Variants in DAPK1 observed in about 807,000 individuals in gnomAD.
DAPK1 encodes the protein death-associated protein kinase 1.
A neutral mutation model predicts 144.9 loss-of-function variants in DAPK1; 56 were observed. That is an observed-to-expected ratio of 0.39 (90% CI 0.31 to 0.48). The LOEUF (loss-of-function observed/expected upper bound fraction) is 0.48, where lower values mean the gene tolerates loss of function less well. Ranked by LOEUF, DAPK1 falls within the 20% of genes least tolerant of loss-of-function variation. The pLI, the probability that DAPK1 is intolerant of heterozygous loss-of-function variation, is 0.95. For synonymous variants in DAPK1, 690 were observed against 749.0 expected (o/e 0.92, Z 1.29); for missense variants, 1,454 against 1,875.4 (o/e 0.78, Z 4.15).
chr9:87,561,807 C>T (rs914932479), intron 2 of DAPK1, among the ~76,000 whole-genome samples: 8 of 152,178 alleles, frequency 5.3e-5, no homozygotes, highest in African/African-American at 1.9e-4. Flanking sequence ...TATCTGGCAG[C>T]TCCTCAGTGC....
At chr9:87,595,903 C>T (rs1828299234) in intron 2 of DAPK1, among the ~76,000 whole-genome samples, 1 of 152,210 alleles carries the variant, frequency 6.6e-6, no homozygotes, top group African/African-American at 2.4e-5. Flanking sequence ...CAAATCACAG[C>T]CCATTTAACC....
At chr9:87,564,415 A>T (rs187373751) in intron 2 of DAPK1, among the ~76,000 whole-genome samples, 10 of 152,290 alleles carry the variant, frequency 6.6e-5, no homozygotes, top group Non-Finnish European at 7.4e-5. Context: ...GTCTTAGTCC[A>T]CTTTTTCCTG....
intron 9 of DAPK1, 119 bp from the exon 10 acceptor site, chr9:87,641,850 C>T (rs1356221827): frequency 1.6e-5 from 12 of 743,864 alleles, no homozygotes; most frequent in Non-Finnish European, 2.6e-5. Context: ...ACTTCTTATG[C>T]TAATTTAATA....
chr9:87,554,356 T>C (rs1478945509), intron 2 of DAPK1: 1 of 152,184 alleles, frequency 6.6e-6, no homozygotes, highest in East Asian at 1.9e-4. Flanking sequence ...TCTCATCTTC[T>C]GCAATGCCTC....
At chr9:87,516,500 C>T (rs1369969333) in intron 2 of DAPK1, among the ~76,000 whole-genome samples, 1 of 152,118 alleles carries the variant, frequency 6.6e-6, no homozygotes, top group Non-Finnish European at 1.5e-5. Context: ...GGGTGATATC[C>T]TGCTTGCTGT....
At chr9:87,612,792 G>T (rs62576184) in intron 3 of DAPK1, among the ~76,000 whole-genome samples, 1 of 152,184 alleles carries the variant, frequency 6.6e-6, no homozygotes, top group Admixed American at 6.5e-5. Flanking sequence ...GGATTGGAGC[G>T]GGGGTGGGGG....
At chr9:87,584,983 C>A (rs961853570) in intron 2 of DAPK1, among the ~76,000 whole-genome samples, 1 of 152,124 alleles carries the variant, frequency 6.6e-6, no homozygotes, top group Non-Finnish European at 1.5e-5. Context: ...AGCCGTATAT[C>A]CTCTTTTGAG....
In DAPK1 at chr9:87,606,786, T is replaced by C. The variant is rs1370213961; in HGVS notation, c.284+1611T>C. Among the ~76,000 whole-genome samples the C allele has an allele frequency of 2.4e-4, 25 of 102,664 alleles. No homozygotes were observed. In the East Asian group the frequency reaches 8.3e-3, roughly 34 times the overall value. The allele number at this position is 102,664 out of a possible 152,430, so 67.4% of individuals were successfully genotyped here. A position where few individuals can be genotyped will look rare whatever the true frequency, so the allele number is the denominator to read the frequency against. On this transcript the variant is annotated intron_variant, in intron 3 of 25. Coordinates refer to ENST00000408954, the MANE Select transcript of DAPK1 (RefSeq NM_004938.4). ...CCTTCCTCCCTCCCTCCCTCCCTCC[T>C]TTTTCTCCTTCCCTCCCTTCCTCTC...
Position 87,645,969 on chromosome 9 carries a change from C to A in DAPK1, c.1086C>A (p.His362Gln). 1 of 1,614,132 alleles carries A rather than the reference C, an allele frequency of 6.2e-7. No individual in the cohort carries two copies. Among genetic ancestry groups the A allele is most frequent in the Non-Finnish European group, 8.5e-7 (1 of 1,179,988 alleles). ...INDDNVPGLQ[H>Q]LLGSLSNYDV... ...ATGACAATGTCCCAGGCCTGCAGCA[C>A]CTTCTGGGCTCATTATCCAACTATG... Residue 362 changes from histidine to glutamine, a missense_variant, in exon 12 of 26, where the codon CAC becomes CAA. His to Gln is a conservative substitution (Grantham distance 24, BLOSUM62 0). Transcript: ENST00000408954.
Position 87,698,684 on chromosome 9 carries a change from C to T in DAPK1, c.2640C>T (p.Leu880=). Residue 880 remains leucine, a synonymous_variant, in exon 23 of 26, where the codon CTC becomes CTT. Transcript: ENST00000408954. ...IAFGGKLKNP[L]QVVLVATHAD... is the part of the protein sequence containing the mutation. ...TCGGTGGCAAGCTGAAGAACCCACTCCAAGTTGTCCTGGTGGCCACCCACG... is the reference window on the plus strand; with the variant it reads ...TCGGTGGCAAGCTGAAGAACCCACTTCAAGTTGTCCTGGTGGCCACCCACG... 6.2e-7 allele frequency: 1 copy of T among 1,606,164 alleles called. No homozygotes were observed. The highest frequency in any genetic ancestry group is 1.3e-5 in the African/African-American group (1 of 74,864).
At chr9:87,698,885 A>C in intron 23 of DAPK1, 91 bp downstream of exon 23, 9 of 759,886 alleles carry the variant, frequency 1.2e-5, no homozygotes, top group Non-Finnish European at 2.0e-5. Context: ...AGGAAGTCTC[A>C]TGAACCAGAG....
At chr9:87,590,369 C>CAAAAAAAAAAAAAAA (rs200588801) in intron 2 of DAPK1, among the ~76,000 whole-genome samples, 1 of 85,736 alleles carries the variant, frequency 1.2e-5, no homozygotes, top group Non-Finnish European at 2.6e-5. Flanking sequence ...TCATTGGCCT[C>CAAAAAAAAAAAAAAA]AAAAAAAAAA....
chr9:87,526,997 G>A (rs554916901), intron 2 of DAPK1, among the ~76,000 whole-genome samples: 2 of 152,230 alleles, frequency 1.3e-5, no homozygotes, highest in Non-Finnish European at 2.9e-5. Flanking sequence ...AAGAAGGAAG[G>A]GGAAGAAAGA....
At chr9:87,650,512 A>G (rs1830408514) in intron 16 of DAPK1, 1 of 229,048 alleles carries the variant, frequency 4.4e-6, no homozygotes, top group Non-Finnish European at 8.7e-6. Flanking sequence ...GCTGTGTTGT[A>G]AAAAGACAAT....
chr9:87,506,143 A>G (rs1824581529), intron 2 of DAPK1, among the ~76,000 whole-genome samples: 2 of 152,210 alleles, frequency 1.3e-5, no homozygotes, highest in African/African-American at 2.4e-5. Context: ...GGCCTATTTC[A>G]TTATCTGTGC....
intron 18 of DAPK1, among the ~76,000 whole-genome samples, chr9:87,659,059 G>A (rs1016222955): frequency 6.6e-6 from 1 of 152,244 alleles, no homozygotes; most frequent in East Asian, 1.9e-4. Context: ...TCAGAGCTGA[G>A]CAGCTGTGAC....
chr9:87,590,280 A>G (rs1330906729), intron 2 of DAPK1, among the ~76,000 whole-genome samples: 1 of 151,324 alleles, frequency 6.6e-6, no homozygotes, highest in Non-Finnish European at 1.5e-5. Flanking sequence ...CTAACAGGCA[A>G]TCTTTTATTA....
intron 2 of DAPK1, among the ~76,000 whole-genome samples, chr9:87,575,521 G>A (rs930716077): frequency 2.6e-5 from 4 of 152,154 alleles, no homozygotes; most frequent in Non-Finnish European, 5.9e-5. Context: ...TCCCGATTTC[G>A]AAAAAACAAA....
chr9:87,618,080 C>T (rs1829163370), intron 3 of DAPK1, among the ~76,000 whole-genome samples: 1 of 152,248 alleles, frequency 6.6e-6, no homozygotes, highest in Admixed American at 6.5e-5. Context: ...TGAATTATTA[C>T]AGCATCCTCT....
Sources: gnomAD v4.1 joint callset for allele counts (sites outside exome capture counted in the v4.1 genomes callset) on GRCh38, gnomAD v4.1.1 for gene constraint, MANE v1.5 for transcripts, NCBI Gene and HGNC (gene_info 2026-07-23, HGNC 2026-07-21) for gene names.